The following KANSL2 variants were observed in gnomAD, a reference collection of about 807,000 sequenced individuals.
KANSL2 encodes the protein KAT8 regulatory NSL complex subunit 2, also known as NSL complex protein NSL2.
Under a neutral mutation model 55.6 loss-of-function variants are expected in KANSL2, and 34 were observed. That is an observed-to-expected ratio of 0.61 (90% CI 0.46 to 0.81). The LOEUF is 0.81. KANSL2 is among the 40% of genes least tolerant of loss of function. KANSL2 has a pLI of 0.00. For missense variants in KANSL2, 502 were observed against 609.9 expected (o/e 0.82, Z 1.86); for synonymous variants, 209 against 214.3 (o/e 0.98, Z 0.22).
In KANSL2 at chr12:48,679,703, C is replaced by T; in HGVS notation, c.382G>A (p.Gly128Arg). Residue 128 changes from glycine to arginine, a missense_variant, in exon 3 of 10, where the codon GGG becomes AGG. Transcript: ENST00000420613. ...CGACTACTTTCTGGAGTCTGAGACC[C>T]CAGCTCTGTCTTAGCATATGAGCTC... ...QLSSYAKTEL[G>R]SQTPESSRSE... 1 of 1,613,452 alleles carries T rather than the reference C, an allele frequency of 6.2e-7. No individual in the cohort carries two copies. Among genetic ancestry groups the T allele is most frequent in the South Asian group, 1.1e-5 (1 of 90,884 alleles).
intron 4 of KANSL2, among the ~76,000 whole-genome samples, chr12:48,675,946 A>G (rs1254048003): frequency 6.6e-6 from 1 of 152,220 alleles, no homozygotes; most frequent in Admixed American, 6.5e-5. Flanking sequence ...TTGGAAAACA[A>G]TGATGAAGAT....
intron 5 of KANSL2, among the ~76,000 whole-genome samples, chr12:48,669,680 G>A (rs1939672105): frequency 6.6e-6 from 1 of 151,842 alleles, no homozygotes; most frequent in Non-Finnish European, 1.5e-5. Flanking sequence ...ACCACGCCCG[G>A]CTAATTTTTT....
At chr12:48,681,204 G>A (rs1279377394) in intron 2 of KANSL2, 178 bp downstream of exon 2, 4 of 561,904 alleles carry the variant, frequency 7.1e-6, no homozygotes, top group African/African-American at 5.8e-5. Flanking sequence ...GGTGAACTAA[G>A]TAATCCAACT....
rs561684401 is a variant in KANSL2, at chr12:48,655,325, T to G, written c.1228-265A>C. On this transcript the variant is annotated intron_variant, in intron 8 of 9. Coordinates refer to ENST00000420613, the MANE Select transcript of KANSL2 (RefSeq NM_017822.4). ...CCACCACACCTCTAATCCCAGCACT[T>G]TGGGAGGCCAAGGTAGGCATATCAC... Among the ~76,000 whole-genome samples, 7 of 152,214 alleles carry G rather than the reference T, an allele frequency of 4.6e-5. 1 individual carries two copies. Among genetic ancestry groups the G allele is most frequent in the South Asian group, 2.1e-4 (1 of 4,820 alleles).
chr12:48,672,555 C>G (rs1366241302), intron 4 of KANSL2, among the ~76,000 whole-genome samples: 1 of 150,308 alleles, frequency 6.7e-6, no homozygotes, highest in Non-Finnish European at 1.5e-5. Context: ...GTCAGCCTGC[C>G]GAGTAGCTGG....
At chr12:48,681,979 C>A (rs189045053) in intron 1 of KANSL2, 3 of 702,972 alleles carry the variant, frequency 4.3e-6, no homozygotes, top group South Asian at 3.0e-5. Context: ...TGCCTCAGAG[C>A]GCACGACTGG....
At chr12:48,660,678 T>G in intron 7 of KANSL2, 59 bp from the exon 8 acceptor site, 4 of 1,514,592 alleles carry the variant, frequency 2.6e-6, no homozygotes, top group Non-Finnish European at 3.6e-6. Flanking sequence ...AAAATACAAA[T>G]AGCATTGTCT....
chr12:48,656,719 T>G, intron 8 of KANSL2: 2 of 518,456 alleles, frequency 3.9e-6, no homozygotes, highest in South Asian at 2.8e-5. Flanking sequence ...AAGGAAGACA[T>G]CACTCTTAGC....
Position 48,653,942 on chromosome 12 carries a change from A to C in KANSL2, c.*102T>G. 4 of 1,252,286 alleles carry C rather than the reference A, an allele frequency of 3.2e-6. No individual in the cohort carries two copies. The highest frequency in any genetic ancestry group is 4.3e-6 in the Non-Finnish European group (4 of 923,510). 77.6% of individuals were successfully genotyped at this position (1,252,286 alleles called of 1,614,324 possible). On this transcript the variant is annotated 3_prime_UTR_variant, in exon 10 of 10. Transcript: ENST00000420613. ...ATAATACTCAATCCAGAAGAAAAAC[A>C]AGGTAGTCTGGGTTGCCTGTGTTTT...
At chr12:48,667,862 T>C in intron 6 of KANSL2, 73 bp from the exon 7 acceptor site, 2 of 1,103,892 alleles carry the variant, frequency 1.8e-6, no homozygotes, top group Non-Finnish European at 1.4e-6. Context: ...AATAGTTATA[T>C]AAGAAAAGCA....
At chr12:48,676,526 C>T (rs1288034504) in intron 4 of KANSL2, among the ~76,000 whole-genome samples, 1 of 152,060 alleles carries the variant, frequency 6.6e-6, no homozygotes, top group South Asian at 2.1e-4. Flanking sequence ...GGTGTGGTGG[C>T]GGGCACCTGT....
Position 48,671,814 on chromosome 12 carries a change from C to A in KANSL2, c.694G>T (p.Glu232Ter). The change falls in exon 5 of 10, where the codon GAA becomes TAA. Residue 232 changes from glutamate to a stop codon, truncating the protein, a stop_gained. Transcript: ENST00000420613. LOFTEE classifies it high-confidence loss of function. ...KRRYLHNRKV[E>*]HEALGSSLLT... ...TAAAACTTGCCTAGAGCTTCATGTT[C>A]CACTTTGCGATTATGTAAGTATCGG... 3 of 1,610,892 alleles carry A rather than the reference C, an allele frequency of 1.9e-6. No individual in the cohort carries two copies. Among genetic ancestry groups the A allele is most frequent in the South Asian group, 2.2e-5 (2 of 90,436 alleles).
rs369601273 is a variant in KANSL2 at position 48,676,787 on chromosome 12, T to TA, written c.545+2248dup. Among the ~76,000 whole-genome samples the TA allele has an allele frequency of 2.1e-3, 327 of 152,306 alleles. 1 individual carries two copies. Among genetic ancestry groups the TA allele is most frequent in the African/African-American group, 7.4e-3 (309 of 41,568 alleles). On this transcript the variant is annotated intron_variant, in intron 4 of 9. Coordinates refer to ENST00000420613, the MANE Select transcript of KANSL2 (RefSeq NM_017822.4). ...ATCATATATATACTAACAGGAAGTT[T>TA]AAAAAATCTATGCCAACAATATTCT...
intron 4 of KANSL2, among the ~76,000 whole-genome samples, chr12:48,673,465 CAGG>C (rs1214507272): frequency 6.6e-6 from 1 of 151,380 alleles, no homozygotes; most frequent in Non-Finnish European, 1.5e-5. Context: ...GAGGCTGGGG[CAGG>C]AGAATTGCTT....
In KANSL2 at chr12:48,654,939, G is replaced by A. The variant is rs974930442; in HGVS notation, c.1347+2C>T. ...AAACAGGTGGGACTGTTCTTCACTT[G>A]CCAAAATATCCACTGGGTCTTCAGC... On this transcript the variant is annotated splice_donor_variant, in intron 9 of 9. Transcript: ENST00000420613. LOFTEE classifies it low-confidence loss of function (GC_TO_GT_DONOR). The A allele has an allele frequency of 3.8e-6, 6 of 1,561,146 alleles. No homozygotes were observed. Among genetic ancestry groups the A allele is most frequent in the Non-Finnish European group, 5.2e-6 (6 of 1,152,380 alleles).
At chr12:48,667,438 CACATCTATGAAAAACG>C (rs2137189107) in intron 7 of KANSL2, 1 of 566,956 alleles carries the variant, frequency 1.8e-6, no homozygotes, top group African/African-American at 1.9e-5. Flanking sequence ...AATATTAGCC[CACATCTATGAAAAACG>C]ACTCATGTTT....
At chr12:48,663,425 C>A (rs1939525004) in intron 7 of KANSL2, among the ~76,000 whole-genome samples, 1 of 151,948 alleles carries the variant, frequency 6.6e-6, no homozygotes, top group African/African-American at 2.4e-5. Flanking sequence ...GTACAAATAT[C>A]AATTTTATAG....
chr12:48,672,359 A>G lies in KANSL2; in HGVS notation c.546-397T>C, dbSNP rs1432468641. On this transcript the variant is annotated intron_variant, in intron 4 of 9. Coordinates refer to ENST00000420613, the MANE Select transcript of KANSL2 (RefSeq NM_017822.4). ...TAACATGTATCTTTCACATATACAT[A>G]TATACATGTATATATACGTATATAT... 2.0e-5 allele frequency among the ~76,000 whole-genome samples: 3 copies of G among 146,920 alleles called. No homozygotes were observed. The East Asian group carries it at 5.9e-4, about 29-fold the overall frequency.
intron 2 of KANSL2, among the ~76,000 whole-genome samples, chr12:48,681,012 C>T (rs955821439): frequency 6.9e-6 from 1 of 143,890 alleles, no homozygotes; most frequent in Non-Finnish European, 1.5e-5. Flanking sequence ...CGGGCGCGGT[C>T]GCTCACGCCT....
Sources: gnomAD v4.1 joint callset for allele counts (sites outside exome capture counted in the v4.1 genomes callset) on GRCh38, gnomAD v4.1.1 for gene constraint, MANE v1.5 for transcripts, NCBI Gene and HGNC (gene_info 2026-07-23, HGNC 2026-07-21) for gene names.